The following COG6 variants were observed in gnomAD, a reference collection of about 807,000 sequenced individuals.
COG6 encodes the protein conserved oligomeric Golgi complex subunit 6.
A neutral mutation model predicts 88.8 loss-of-function variants in COG6; 74 were observed. The ratio of observed to expected loss-of-function variants is 0.83; its 90% CI spans 0.69 to 1.01. The LOEUF is 1.01. Ranked by LOEUF, COG6 falls within the 50% of genes least tolerant of loss-of-function variation. The pLI is 0.00. For missense variants in COG6, 800 were observed against 797.9 expected, an observed-to-expected ratio of 1.00 and a Z score of -0.03; for synonymous variants, 286 against 278.7, an observed-to-expected ratio of 1.03 and a Z score of -0.26.
intron 18 of COG6, among the ~76,000 whole-genome samples, chr13:39,770,786 G>A (rs1881298051): frequency 6.6e-6 from 1 of 152,128 alleles, no homozygotes; most frequent in African/African-American, 2.4e-5. Flanking sequence ...AATGAAAAAG[G>A]CCTAAGATCA....
Position 39,724,528 on chromosome 13 carries a change from C to G in COG6, c.1713C>G (p.Pro571=). ...AATAGGGCTCTTTAGCTAATATGCCCAACCTAGATTCTGTGACACTGAAGG... is the reference window on the plus strand; with the variant it reads ...AATAGGGCTCTTTAGCTAATATGCCGAACCTAGATTCTGTGACACTGAAGG... ...KPEQGSLANM[P]NLDSVTLKAA... Residue 571 remains proline (P), a synonymous_variant, in exon 17 of 19, where the codon CCC becomes CCG. Coordinates refer to ENST00000455146, the MANE Select transcript of COG6 (RefSeq NM_020751.3). 6.3e-7 allele frequency: 1 copy of G among 1,578,702 alleles called. No individual in the cohort carries two copies. Among genetic ancestry groups the G allele is most frequent in the East Asian group, 2.3e-5 (1 of 44,394 alleles).
At chr13:39,732,918 A>C (rs1368866704) in intron 18 of COG6, among the ~76,000 whole-genome samples, 1 of 152,178 alleles carries the variant, frequency 6.6e-6, no homozygotes, top group Non-Finnish European at 1.5e-5. Context: ...AAATTATTGA[A>C]AACCAGTGAT....
intron 1 of COG6, 130 bp from the exon 2 acceptor site, chr13:39,659,234 T>C: frequency 1.2e-6 from 1 of 806,598 alleles, no homozygotes; most frequent in Non-Finnish European, 2.0e-6. Context: ...AATTTGAAGG[T>C]CATTCAATAT....
At chr13:39,713,465 G>A (rs1372091858) in intron 13 of COG6, among the ~76,000 whole-genome samples, 1 of 152,190 alleles carries the variant, frequency 6.6e-6, no homozygotes, top group East Asian at 1.9e-4. Flanking sequence ...GCCAGGTGCG[G>A]TGGCTCACGC....
chr13:39,772,912 G>A (rs1409468551), intron 18 of COG6, among the ~76,000 whole-genome samples: 1 of 152,160 alleles, frequency 6.6e-6, no homozygotes, highest in East Asian at 1.9e-4. Flanking sequence ...CTGTCTCTGG[G>A]GACTATCTTC....
chr13:39,788,342 C>A, exon 19 of COG6: 1 of 1,551,854 alleles, frequency 6.4e-7, no homozygotes, highest in Non-Finnish European at 8.7e-7. Flanking sequence ...CAGGCGTCCA[C>A]CCAACGGCCC....
chr13:39,710,157 T>C (rs1878158793), intron 13 of COG6, among the ~76,000 whole-genome samples: 1 of 152,144 alleles, frequency 6.6e-6, no homozygotes, highest in South Asian at 2.1e-4. Context: ...TTTACTTAGG[T>C]CTTTAGTTTC....
chr13:39,657,548 G>T (rs1042890823), intron 1 of COG6, among the ~76,000 whole-genome samples: 37 of 151,340 alleles, frequency 2.4e-4, no homozygotes, highest in Non-Finnish European at 3.8e-4. Context: ...TTTCTGTACA[G>T]TAAGTATTTA....
intron 18 of COG6, among the ~76,000 whole-genome samples, chr13:39,766,890 A>G (rs1164788077): frequency 6.6e-6 from 1 of 152,226 alleles, no homozygotes; most frequent in Admixed American, 6.5e-5. Context: ...AATCATGCAT[A>G]GAAACAAATC....
At chr13:39,709,709 T>C (rs769660950) in intron 13 of COG6, among the ~76,000 whole-genome samples, 3 of 152,122 alleles carry the variant, frequency 2.0e-5, no homozygotes, top group African/African-American at 4.8e-5. Context: ...ATATGTGATA[T>C]GTAACACATA....
chr13:39,659,636 C>T, intron 2 of COG6, 129 bp downstream of exon 2: 1 of 714,118 alleles, frequency 1.4e-6, no homozygotes, highest in Non-Finnish European at 2.4e-6. Context: ...GAAAGCTTAG[C>T]TAATTTCTCT....
chr13:39,727,188 A>T (rs1343405165), intron 17 of COG6, among the ~76,000 whole-genome samples: 6 of 152,102 alleles, frequency 3.9e-5, no homozygotes, highest in Non-Finnish European at 7.4e-5. Context: ...CTTCTTGTTA[A>T]TATTATTACT....
intron 13 of COG6, among the ~76,000 whole-genome samples, chr13:39,708,206 C>CTTAAAA: frequency 6.6e-6 from 1 of 152,096 alleles, no homozygotes; most frequent in Non-Finnish European, 1.5e-5. Context: ...AAGACTGTTG[C>CTTAAAA]AGAGAGTCCT....
chr13:39,780,636 ATTAT>A (rs1566047680), intron 18 of COG6, among the ~76,000 whole-genome samples: 3 of 152,136 alleles, frequency 2.0e-5, no homozygotes, highest in African/African-American at 7.2e-5. Context: ...AAACACTCCT[ATTAT>A]TTAGGGAGGT....
At chr13:39,699,688 TATTG>T in intron 13 of COG6, 70 bp downstream of exon 13, 2 of 796,414 alleles carry the variant, frequency 2.5e-6, no homozygotes, top group South Asian at 1.4e-5. Flanking sequence ...GTGATTTTTG[TATTG>T]ATTGATAACT....
At chr13:39,789,510 C>T (rs1303226952) in exon 19 of COG6, 3 of 152,094 alleles carry the variant, frequency 2.0e-5, no homozygotes, top group African/African-American at 7.2e-5. Context: ...ATTCCAATCA[C>T]CTGCTCCACC....
chr13:39,778,049 C>T (rs772918548), intron 18 of COG6, among the ~76,000 whole-genome samples: 21 of 152,150 alleles, frequency 1.4e-4, no homozygotes, highest in Admixed American at 3.9e-4. Context: ...CTAATCAACA[C>T]ATTATAGGAA....
At chr13:39,758,088 C>T (rs962177909) in intron 18 of COG6, among the ~76,000 whole-genome samples, 3 of 151,616 alleles carry the variant, frequency 2.0e-5, no homozygotes, top group African/African-American at 7.3e-5. Flanking sequence ...GGCGTGGTGG[C>T]GGATGCCTGT....
At chr13:39,774,981 A>G (rs555989641) in intron 18 of COG6, among the ~76,000 whole-genome samples, 25 of 152,360 alleles carry the variant, frequency 1.6e-4, no homozygotes, top group African/African-American at 5.5e-4. Context: ...ACATTAAAAG[A>G]GGCTATAAAA....
Sources: allele counts gnomAD v4.1 joint callset (sites outside exome capture counted in the v4.1 genomes callset), GRCh38; gene constraint gnomAD v4.1.1; transcripts MANE v1.5; gene names NCBI Gene and HGNC (gene_info 2026-07-23, HGNC 2026-07-21).